The following DAP3 variants were observed in gnomAD, a reference collection of about 807,000 sequenced individuals.
DAP3 encodes death associated protein 3, also known as small ribosomal subunit protein mS29.
A neutral mutation model predicts 51.9 loss-of-function variants in DAP3; 28 were observed. The observed-to-expected ratio is 0.54, with a 90% CI of 0.40 to 0.74. DAP3 has a LOEUF of 0.74. Ranked by LOEUF, DAP3 falls within the 30% of genes least tolerant of loss-of-function variation. The pLI is 0.00. For synonymous variants in DAP3, 170 were observed against 170.3 expected (o/e 1.00, Z 0.01); for missense variants, 458 against 483.5 (o/e 0.95, Z 0.49).
At chr1:155,693,172 A>C (rs1654074170) in intron 1 of DAP3, among the ~76,000 whole-genome samples, 2 of 141,908 alleles carry the variant, frequency 1.4e-5, no homozygotes, top group Admixed American at 1.3e-4. Context: ...TTTCACATCA[A>C]ACGTGGAATC....
chr1:155,737,515 C>G (rs184785300), intron 12 of DAP3, among the ~76,000 whole-genome samples: 4 of 152,338 alleles, frequency 2.6e-5, no homozygotes, highest in East Asian at 1.9e-4. Flanking sequence ...TATATTTCAT[C>G]TACTCTGACT....
intron 11 of DAP3, among the ~76,000 whole-genome samples, chr1:155,733,478 T>C (rs138014349): frequency 3.9e-4 from 60 of 152,314 alleles, no homozygotes; most frequent in African/African-American, 1.4e-3. Context: ...TTTTATTTAA[T>C]AGAATCTAAA....
chr1:155,721,698 G>A (rs1284731761), intron 4 of DAP3, 80 bp downstream of exon 4: 2 of 1,355,690 alleles, frequency 1.5e-6, no homozygotes, highest in South Asian at 2.4e-5. Context: ...TAAATGAGAA[G>A]AAAATTTAAA....
chr1:155,720,007 A>G (rs1312743049), intron 3 of DAP3, among the ~76,000 whole-genome samples: 3 of 151,944 alleles, frequency 2.0e-5, no homozygotes, highest in African/African-American at 7.2e-5. Flanking sequence ...TCTCAAAACA[A>G]TGGGAGATAT....
rs950908622 is a variant in DAP3 at position 155,721,152 on chromosome 1, A to G, written c.169-365A>G. ...GGAGTTTAAGACCAGCCTGGCCAAC[A>G]TGGTGAAACCCCGTCTCTACTAGAA... On this transcript the variant is annotated intron_variant, in intron 3 of 12. Transcript: ENST00000368336. Among the ~76,000 whole-genome samples the G allele has an allele frequency of 5.9e-5, 9 of 151,954 alleles. No homozygotes were observed. In the East Asian group the frequency reaches 1.8e-3, roughly 30 times the overall value.
intron 2 of DAP3, among the ~76,000 whole-genome samples, chr1:155,712,907 A>T (rs551738479): frequency 2.0e-5 from 3 of 152,320 alleles, no homozygotes; most frequent in African/African-American, 7.2e-5. Flanking sequence ...TCCGGTAGAT[A>T]AAATTGAGTA....
intron 1 of DAP3, among the ~76,000 whole-genome samples, chr1:155,698,478 G>A (rs758296554): frequency 3.3e-5 from 5 of 152,054 alleles, no homozygotes; most frequent in African/African-American, 7.2e-5. Flanking sequence ...CTTTTTATTA[G>A]TACTTGGTAG....
chr1:155,731,491 C>G, intron 10 of DAP3, 76 bp downstream of exon 10: 1 of 1,437,880 alleles, frequency 7.0e-7, no homozygotes, highest in East Asian at 2.3e-5. Context: ...TATTTCATTG[C>G]TAATACTTTA....
chr1:155,701,882 G>A (rs1168428448), intron 1 of DAP3, among the ~76,000 whole-genome samples: 1 of 150,366 alleles, frequency 6.7e-6, no homozygotes, highest in Non-Finnish European at 1.5e-5. Flanking sequence ...AATTAAATCG[G>A]GAAATAAGTG....
chr1:155,716,215 A>C (rs1170412125), intron 2 of DAP3, among the ~76,000 whole-genome samples: 1 of 152,214 alleles, frequency 6.6e-6, no homozygotes, highest in Admixed American at 6.5e-5. Context: ...GAATATGAAT[A>C]ATGTCATTGG....
At chr1:155,732,791 G>A (rs866036730) in intron 11 of DAP3, among the ~76,000 whole-genome samples, 13 of 152,084 alleles carry the variant, frequency 8.5e-5, no homozygotes, top group African/African-American at 2.7e-4. Flanking sequence ...TTGGGAGGCC[G>A]AGGCAGGCGG....
chr1:155,734,623 G>A (rs964143720), intron 11 of DAP3, among the ~76,000 whole-genome samples: 3 of 151,996 alleles, frequency 2.0e-5, no homozygotes, highest in Non-Finnish European at 4.4e-5. Context: ...AGCAACCAAG[G>A]CCTGAGTCCT....
At chr1:155,735,210 G>C (rs1398176790) in intron 11 of DAP3, among the ~76,000 whole-genome samples, 15 of 152,106 alleles carry the variant, frequency 9.9e-5, no homozygotes. Flanking sequence ...GACCCTGGGA[G>C]GCAGAGGTTG....
chr1:155,714,763 A>C (rs1400522592), intron 2 of DAP3, among the ~76,000 whole-genome samples: 1 of 152,116 alleles, frequency 6.6e-6, no homozygotes, highest in Non-Finnish European at 1.5e-5. Flanking sequence ...CTCAAAAAAA[A>C]AGAAAAACAA....
intron 3 of DAP3, among the ~76,000 whole-genome samples, chr1:155,718,374 A>C (rs1178024938): frequency 2.0e-5 from 3 of 151,952 alleles, no homozygotes; most frequent in Non-Finnish European, 4.4e-5. Flanking sequence ...CAAGAGAGCA[A>C]GACTCTGTCT....
At chr1:155,713,452 C>CG (rs1656949918) in intron 2 of DAP3, among the ~76,000 whole-genome samples, 1 of 152,176 alleles carries the variant, frequency 6.6e-6, no homozygotes, top group South Asian at 2.1e-4. Context: ...GTATACTTCA[C>CG]TAAGTTTCCT....
At chr1:155,738,020 AGAAGT>A in intron 12 of DAP3, 132 bp from the exon 13 acceptor site, 1 of 773,852 alleles carries the variant, frequency 1.3e-6, no homozygotes, top group Non-Finnish European at 2.1e-6. Context: ...GTGAGGGTCT[AGAAGT>A]AAGATCTCTT....
rs145795082 is a variant in DAP3 at position 155,721,431 on chromosome 1, C to T, written c.169-86C>T. 2.9e-4 allele frequency: 256 copies of T among 898,092 alleles called. 3 individuals are homozygous for T. In the East Asian group the frequency reaches 6.4e-3, roughly 23 times the overall value. 55.6% of individuals were successfully genotyped at this position (898,092 alleles called of 1,614,324 possible). A position where few individuals can be genotyped will look rare whatever the true frequency, so the allele number is the denominator to read the frequency against. The stretch of plus-strand genomic sequence containing the variant: ...ATATATATATATACACATAGACATA[C>T]ATATATACACACACATAGATAAGAC... On this transcript the variant is annotated intron_variant, in intron 3 of 12. Transcript: ENST00000368336.
In DAP3 at chr1:155,729,297, C is replaced by G; in HGVS notation, c.774C>G (p.Leu258=). Residue 258 remains leucine (L), a synonymous_variant, in exon 9 of 13, where the codon CTC becomes CTG. Transcript: ENST00000368336. ...KRQSSLGMFH[L]LVAVDGINAL... Reference sequence around the variant, plus strand: ...AAAGTTCTTTGGGTATGTTTCACCTCCTAGTGGCCGTGGATGGAATCAATG... The same window carrying G: ...AAAGTTCTTTGGGTATGTTTCACCTGCTAGTGGCCGTGGATGGAATCAATG... 1 of 1,614,134 alleles carries G rather than the reference C, an allele frequency of 6.2e-7. No homozygotes were observed. The highest frequency in any genetic ancestry group is 8.5e-7 in the Non-Finnish European group (1 of 1,180,024).
Sources: gnomAD v4.1 joint callset for allele counts (sites outside exome capture counted in the v4.1 genomes callset) on GRCh38, gnomAD v4.1.1 for gene constraint, MANE v1.5 for transcripts, NCBI Gene and HGNC (gene_info 2026-07-23, HGNC 2026-07-21) for gene names.